The following EIF3A variants were observed in gnomAD, a reference collection of about 807,000 sequenced individuals.
EIF3A encodes eukaryotic translation initiation factor 3 subunit A, also known as EIF3, p180 subunit.
A neutral mutation model predicts 186.6 loss-of-function variants in EIF3A; 21 were observed. The observed-to-expected ratio is 0.11, with a 90% confidence interval of 0.08 to 0.16. EIF3A has a LOEUF of 0.16. EIF3A is among the 10% of genes least tolerant of loss of function. The pLI is 1.00. For synonymous variants in EIF3A, 563 were observed against 584.3 expected (o/e 0.96, Z 0.52); for missense variants, 1,306 against 1,796.3 (o/e 0.73, Z 4.93).
At position 119,073,949 on chromosome 10, in the gene EIF3A, A is replaced by G; in HGVS notation, c.50-12T>C. On this transcript the variant is annotated splice_polypyrimidine_tract_variant and intron_variant, in intron 1 of 21. Transcript: ENST00000369144. ...AACCTCAAGAAATTCTGAAAAATTC[A>G]GAAGAATTAAAATTAGTTATGTACA... 6.3e-7 allele frequency: 1 copy of G among 1,579,534 alleles called. No individual in the cohort carries two copies. Among genetic ancestry groups the G allele is most frequent in the Non-Finnish European group, 8.6e-7 (1 of 1,165,052 alleles).
rs1373154128 is a variant in EIF3A, at chr10:119,034,501, T to C, written c.*1538A>G. 2 of 152,178 alleles carry C rather than the reference T, an allele frequency of 1.3e-5. No individual in the cohort carries two copies. Among genetic ancestry groups the C allele is most frequent in the Non-Finnish European group, 1.5e-5 (1 of 68,032 alleles). 9.4% of individuals were successfully genotyped at this position (152,178 alleles called of 1,614,324 possible). A position where few individuals can be genotyped will look rare whatever the true frequency, so the allele number is the denominator to read the frequency against. On this transcript the variant is annotated 3_prime_UTR_variant, in exon 22 of 22. Transcript: ENST00000369144. ...TCTCTTGTTATGAAAGAAAAGTCCT[T>C]CTCCCCACGAAAGACCTTTAAAGAC...
In EIF3A at chr10:119,038,334, C is replaced by T. The variant is rs755920883; in HGVS notation, c.3632G>A (p.Arg1211Lys). 6.2e-7 allele frequency: 1 copy of T among 1,614,182 alleles called. No homozygotes were observed. The highest frequency in any genetic ancestry group is 1.7e-5 in the Admixed American group (1 of 60,018). Reference sequence around the variant, plus strand: ...ATTCTCCTCCCGATCTTGATTATCTCTGTCCCTTTCTTTTTCTCTGTCCCA... The same window carrying T: ...ATTCTCCTCCCGATCTTGATTATCTTTGTCCCTTTCTTTTTCTCTGTCCCA... The part of the protein sequence containing the change: ...REWDREKERD[R>K]DNQDREENDK... Residue 1211 changes from arginine (R) to lysine (K), a missense_variant, in exon 20 of 22, where the codon AGA becomes AAA. By Grantham distance (26) the Arg-to-Lys change is conservative. Transcript: ENST00000369144.
intron 1 of EIF3A, among the ~76,000 whole-genome samples, chr10:119,074,446 C>A (rs949057282): frequency 1.4e-5 from 2 of 147,010 alleles, no homozygotes; most frequent in Non-Finnish European, 3.0e-5. Flanking sequence ...GCCTGGGTGA[C>A]AAGAGCGAAA....
chr10:119,049,869 C>T lies in EIF3A; in HGVS notation c.2590G>A (p.Glu864Lys). ...CTACGCCGTTCTCGTTCTTCAATTT[C>T]CAACTCCCTTTGGCGTTTTTTCCTT... Reference protein sequence around the residue: ...VERKKRQRELEIEERERRREE... With the variant: ...VERKKRQRELKIEERERRREE... Residue 864 changes from glutamate (E) to lysine (K), a missense_variant, in exon 17 of 22, where the codon GAA becomes AAA. Physicochemically the swap from Glu to Lys is moderately conservative, Grantham distance 56. Coordinates refer to ENST00000369144, the MANE Select transcript of EIF3A (RefSeq NM_003750.4). 1 of 1,614,224 alleles carries T rather than the reference C, an allele frequency of 6.2e-7. No individual in the cohort carries two copies. The highest frequency in any genetic ancestry group is 8.5e-7 in the Non-Finnish European group (1 of 1,180,028).
intron 21 of EIF3A, 123 bp from the exon 22 acceptor site, chr10:119,036,391 G>T: frequency 1.6e-6 from 1 of 638,128 alleles, no homozygotes; most frequent in Non-Finnish European, 2.7e-6. Context: ...CAGAAATTCT[G>T]TTAAATTCTG....
rs759503994 is a variant in EIF3A at position 119,042,188 on chromosome 10, C to G, written c.3332G>C (p.Arg1111Pro). The G allele has an allele frequency of 6.2e-7, 1 of 1,611,444 alleles. No individual in the cohort carries two copies. The highest frequency in any genetic ancestry group is 1.7e-5 in the Admixed American group (1 of 59,860). Residue 1111 changes from arginine to proline, a missense_variant, in exon 19 of 22, where the codon CGA (arginine) becomes CCA (proline). By Grantham distance (103) the Arg-to-Pro change is moderately radical. Coordinates refer to ENST00000369144, the MANE Select transcript of EIF3A (RefSeq NM_003750.4). This position sits in a 1 kb window ranked among gnomAD's most constrained non-coding sequence, Gnocchi z 7.8. ...AGGTCCTCGATCATCATCCAACCCT[C>G]GCCTGGGACCCCGGTCATCATCCAT... ...RGMDDDRGPRRGLDDDRGPWR... is the reference protein window; with the variant it reads ...RGMDDDRGPRPGLDDDRGPWR...
intron 19 of EIF3A, 109 bp downstream of exon 19, chr10:119,041,885 T>G: frequency 8.2e-7 from 1 of 1,223,680 alleles, no homozygotes; most frequent in Non-Finnish European, 1.1e-6. Context: ...GAAGGAAAGA[T>G]GAAAGACCAG....
Position 119,035,961 on chromosome 10 carries a change from G to T in EIF3A, c.*78C>A. On this transcript the variant is annotated 3_prime_UTR_variant, in exon 22 of 22. Coordinates refer to ENST00000369144, the MANE Select transcript of EIF3A (RefSeq NM_003750.4). ...ACATTAAAGAATCCAATTTAGATTG[G>T]TTGAAGCACAAGTATAATAATCCTT... 7.2e-6 allele frequency: 8 copies of T among 1,109,006 alleles called. No individual in the cohort carries two copies. Among genetic ancestry groups the T allele is most frequent in the Middle Eastern group, 4.8e-4 (2 of 4,200 alleles). 68.7% of individuals were successfully genotyped at this position (1,109,006 alleles called of 1,614,324 possible).
intron 12 of EIF3A, 56 bp downstream of exon 12, chr10:119,057,900 A>G (rs1589690777): frequency 7.3e-7 from 1 of 1,376,772 alleles, no homozygotes; most frequent in East Asian, 2.3e-5. Context: ...CTGTGGTTCT[A>G]AGAGTACAAA....
At position 119,060,708 on chromosome 10, in the gene EIF3A, A is replaced by G. The variant is rs767089300; in HGVS notation, c.1326+38T>C. On this transcript the variant is annotated intron_variant, in intron 9 of 21. Coordinates refer to ENST00000369144, the MANE Select transcript of EIF3A (RefSeq NM_003750.4). ...CAGTTTTTAGTTTCATGATGAGCAC[A>G]TAACATCACAAAACTTTTTTTATTT... 11 of 1,529,210 alleles carry G rather than the reference A, an allele frequency of 7.2e-6. No individual in the cohort carries two copies. The East Asian group carries it at 1.1e-4, about 16-fold the overall frequency. The allele number at this position is 1,529,210 out of a possible 1,614,324, so 94.7% of individuals were successfully genotyped here.
intron 19 of EIF3A, among the ~76,000 whole-genome samples, chr10:119,040,625 C>T (rs145076155): frequency 4.6e-5 from 7 of 152,290 alleles, no homozygotes; most frequent in African/African-American, 1.7e-4. Context: ...AATCCTAGCA[C>T]TTTGGGAGGC....
In EIF3A at chr10:119,069,550, C is replaced by T; in HGVS notation, c.846G>A (p.Val282=). 1.3e-6 allele frequency: 2 copies of T among 1,594,642 alleles called. No individual in the cohort carries two copies. The highest frequency in any genetic ancestry group is 8.6e-7 in the Non-Finnish European group (1 of 1,162,310). ...MANYYNKVST[V]FWKSGNALFH... is the part of the protein sequence containing the mutation. Reference sequence around the variant, plus strand: ...AAAGAGCATTTCCAGATTTCCAAAACACAGTTGAGACTTTGTTATAGTAAT... The same window carrying T: ...AAAGAGCATTTCCAGATTTCCAAAATACAGTTGAGACTTTGTTATAGTAAT... Residue 282 remains valine (V), a synonymous_variant, in exon 6 of 22, where the codon GTG becomes GTA. Transcript: ENST00000369144.
At chr10:119,050,031 T>TC (rs746567805) in intron 16 of EIF3A, 46 bp from the exon 17 acceptor site, 2 of 1,577,382 alleles carry the variant, frequency 1.3e-6, no homozygotes, top group Non-Finnish European at 1.7e-6. Flanking sequence ...AGCCATATCT[T>TC]CCCCCTAGTG....
chr10:119,044,937 CTTTTCTTT>C (rs1429643694), intron 17 of EIF3A, among the ~76,000 whole-genome samples: 1,109 of 66,768 alleles, frequency 0.017, 13 homozygotes, highest in African/African-American at 0.047. Context: ...TTTGAATTTT[CTTTTCTTT>C]TTTTTTTTTT....
intron 6 of EIF3A, 113 bp from the exon 7 acceptor site, chr10:119,065,683 C>G: frequency 1.4e-6 from 1 of 700,772 alleles, no homozygotes; most frequent in South Asian, 1.8e-5. Flanking sequence ...ACGTGTACAT[C>G]ACCATGGTGC....
chr10:119,060,913 CTTTT>C lies in EIF3A; in HGVS notation c.1228-73_1228-70del, dbSNP rs367793800. 18 of 940,104 alleles carry C rather than the reference CTTTT, an allele frequency of 1.9e-5. 1 individual carries two copies. The South Asian group carries it at 2.1e-4, about 11-fold the overall frequency. 58.2% of individuals were successfully genotyped at this position (940,104 alleles called of 1,614,324 possible). A position where few individuals can be genotyped will look rare whatever the true frequency, so the allele number is the denominator to read the frequency against. On this transcript the variant is annotated intron_variant, in intron 8 of 21. Transcript: ENST00000369144. ...AAGAGATACTAAAACATCTAAAACT[CTTTT>C]TTTTTTAATATACAAAAACATCATC... is the stretch of plus-strand genomic sequence containing the variant.
intron 6 of EIF3A, among the ~76,000 whole-genome samples, chr10:119,067,504 T>G (rs779538377): frequency 2.0e-5 from 3 of 152,086 alleles, no homozygotes; most frequent in Non-Finnish European, 4.4e-5. Flanking sequence ...GGTGGAAGAA[T>G]AGTCTGAGCC....
Position 119,038,288 on chromosome 10 carries a change from T to C in EIF3A, c.3678A>G (p.Glu1226=). ...GATCCACATCTCTCTCTCTGTCCCT[T>C]TCTCTCTCAGGGTCCTTGTCATTCT... The part of the protein sequence containing the change: ...REENDKDPER[E]RDRERDVDRE... Residue 1226 remains glutamate (E), a synonymous_variant, in exon 20 of 22, where the codon GAA becomes GAG. Coordinates refer to ENST00000369144, the MANE Select transcript of EIF3A (RefSeq NM_003750.4). The C allele has an allele frequency of 6.2e-7, 1 of 1,614,052 alleles. No individual in the cohort carries two copies. Among genetic ancestry groups the C allele is most frequent in the Non-Finnish European group, 8.5e-7 (1 of 1,179,986 alleles).
At chr10:119,046,136 A>C (rs760889635) in intron 17 of EIF3A, among the ~76,000 whole-genome samples, 9 of 152,214 alleles carry the variant, frequency 5.9e-5, no homozygotes, top group Non-Finnish European at 1.3e-4. Context: ...TCAGGTATCT[A>C]AACACAGTCT....
Sources: gnomAD v4.1 joint callset for allele counts (sites outside exome capture counted in the v4.1 genomes callset) on GRCh38, gnomAD v4.1.1 for gene constraint, Gnocchi (gnomAD v3.1) non-coding constraint, MANE v1.5 for transcripts, NCBI Gene and HGNC (gene_info 2026-07-23, HGNC 2026-07-21) for gene names.